Variants in BCL2L13 observed in about 807,000 individuals in gnomAD.
The protein encoded by BCL2L13 is BCL2 like 13.
BCL2L13 carries 13 observed loss-of-function variants against 25.8 expected under a neutral mutation model. The ratio of observed to expected loss-of-function variants is 0.50; its 90% CI spans 0.33 to 0.80. The LOEUF (loss-of-function observed/expected upper bound fraction) is 0.80. Ranked by LOEUF, BCL2L13 falls within the 30% of genes least tolerant of loss-of-function variation. The pLI is 0.02. For synonymous variants in BCL2L13, 244 were observed against 230.3 expected (o/e 1.06, Z -0.54); for missense variants, 504 against 574.9 (o/e 0.88, Z 1.26).
At position 17,726,792 on chromosome 22, in the gene BCL2L13, A is replaced by G; in HGVS notation, c.716A>G (p.Glu239Gly). ...SDNSGQVSPP[E>G]SPTVTTSWQS... ...AACTCTGGACAAGTCAGTCCCCCAG[A>G]GTCTCCAACTGTGACCACTTCCTGG... Residue 239 changes from glutamate (E) to glycine (G), a missense_variant, in exon 7 of 7, where the codon GAG becomes GGG. By Grantham distance (98) the Glu-to-Gly change is moderately conservative (BLOSUM62 -2). Transcript: ENST00000317582. The G allele has an allele frequency of 1.9e-6, 3 of 1,614,182 alleles. No individual in the cohort carries two copies. The South Asian group carries it at 3.3e-5, about 18-fold the overall frequency.
intron 1 of BCL2L13, among the ~76,000 whole-genome samples, chr22:17,629,216 AG>A (rs1401348704): frequency 2.6e-5 from 4 of 151,940 alleles, no homozygotes; most frequent in Admixed American, 6.6e-5. Flanking sequence ...GAAAAAAAAA[AG>A]GGGGATACAT....
At chr22:17,689,963 C>T (rs1181403009) in intron 4 of BCL2L13, among the ~76,000 whole-genome samples, 4 of 152,126 alleles carry the variant, frequency 2.6e-5, no homozygotes, top group African/African-American at 9.7e-5. Context: ...AACTTCTCTC[C>T]TAGCTATGGT....
At position 17,727,076 on chromosome 22, in the gene BCL2L13, C is replaced by A; in HGVS notation, c.1000C>A (p.Leu334Met). The change falls in exon 7 of 7, where the codon CTG (leucine) becomes ATG (methionine). Residue 334 changes from leucine to methionine, a missense_variant. Coordinates refer to ENST00000317582, the MANE Select transcript of BCL2L13 (RefSeq NM_015367.4). Reference sequence around the variant, plus strand: ...TTCTGTGGTCTTGCCAGCGCGGGAGCTGCAAGAGGCACTTCCTGAAGCCCC... The same window carrying A: ...TTCTGTGGTCTTGCCAGCGCGGGAGATGCAAGAGGCACTTCCTGAAGCCCC... ...VASVVLPARE[L>M]QEALPEAPAP... 1 of 1,614,226 alleles carries A rather than the reference C, an allele frequency of 6.2e-7. No individual in the cohort carries two copies. The highest frequency in any genetic ancestry group is 2.2e-5 in the East Asian group (1 of 44,888).
intron 1 of BCL2L13, 145 bp from the exon 2 acceptor site, chr22:17,655,517 T>G (rs2058826978): frequency 4.8e-5 from 20 of 415,992 alleles, no homozygotes; most frequent in Non-Finnish European, 5.5e-5. Context: ...TGTGGTGAGC[T>G]GAGATTGCGC....
At chr22:17,641,893 G>A (rs12167958) in intron 1 of BCL2L13, among the ~76,000 whole-genome samples, 2,860 of 149,108 alleles carry the variant, frequency 0.019, 84 homozygotes, top group African/African-American at 0.067. Flanking sequence ...TCCGCCTCCC[G>A]GGTTGACGCC....
chr22:17,698,507 G>A (rs184835125), intron 5 of BCL2L13, among the ~76,000 whole-genome samples: 213 of 132,044 alleles, frequency 1.6e-3, no homozygotes, highest in African/African-American at 5.5e-3. Context: ...GATCACTTAC[G>A]CCCAGGAGTT....
In BCL2L13 at chr22:17,722,419, GTA is replaced by G. The variant is rs1353072672; in HGVS notation, c.601-4256_601-4255del. Among the ~76,000 whole-genome samples the G allele has an allele frequency of 1.5e-3, 217 of 144,726 alleles. 1 individual carries two copies. Among genetic ancestry groups the G allele is most frequent in the Middle Eastern group, 3.5e-3 (1 of 284 alleles). 94.9% of individuals were successfully genotyped at this position (144,726 alleles called of 152,430 possible). ...TGTGTGTGTGTGTGTGTGTGTGTGT[GTA>G]TGTAGAGATGATGTCTTACTATGTT... On this transcript the variant is annotated intron_variant, in intron 6 of 6. Coordinates refer to ENST00000317582, the MANE Select transcript of BCL2L13 (RefSeq NM_015367.4).
intron 1 of BCL2L13, among the ~76,000 whole-genome samples, chr22:17,648,089 C>T (rs1230002037): frequency 6.6e-6 from 1 of 150,942 alleles, no homozygotes; most frequent in Admixed American, 6.6e-5. Flanking sequence ...GAGGTCATGC[C>T]ACTGCACTCC....
Position 17,646,367 on chromosome 22 carries a change from C to T in BCL2L13, c.-51+7481C>T, listed in dbSNP as rs77631039. Among the ~76,000 whole-genome samples, 884 of 151,484 alleles carry T rather than the reference C, an allele frequency of 5.8e-3. 5 individuals are homozygous for T. The highest frequency in any genetic ancestry group is 8.5e-3 in the Non-Finnish European group (581 of 68,008). ...GTTCAGGCGATTCACCTGTCTCAGC[C>T]TCCTGAGTAGCTGGGATTACAGGTG... On this transcript the variant is annotated intron_variant, in intron 1 of 6. Coordinates refer to ENST00000317582, the MANE Select transcript of BCL2L13 (RefSeq NM_015367.4).
At chr22:17,630,533 C>T (rs1275114790) in intron 1 of BCL2L13, among the ~76,000 whole-genome samples, 1 of 151,514 alleles carries the variant, frequency 6.6e-6, no homozygotes, top group Non-Finnish European at 1.5e-5. Context: ...CTGCCTCGGC[C>T]TCCGAGAGTG....
chr22:17,634,738 T>C, upstream of BCL2L13, among the ~76,000 whole-genome samples: 1 of 151,278 alleles, frequency 6.6e-6, no homozygotes, highest in Non-Finnish European at 1.5e-5. Context: ...AGCCCAGGAG[T>C]TTGAGACCAG....
intron 1 of BCL2L13, among the ~76,000 whole-genome samples, chr22:17,651,387 T>TG (rs2058680453): frequency 1.3e-5 from 2 of 151,504 alleles, no homozygotes; most frequent in Non-Finnish European, 2.9e-5. Context: ...ATTTATTTAT[T>TG]TATTTATTTA....
chr22:17,711,074 C>T (rs1189372653), intron 6 of BCL2L13, among the ~76,000 whole-genome samples: 1 of 150,952 alleles, frequency 6.6e-6, no homozygotes, highest in East Asian at 2.0e-4. Flanking sequence ...AAAAGCCAGG[C>T]GTGGTGGTGC....
intron 1 of BCL2L13, among the ~76,000 whole-genome samples, chr22:17,641,258 G>A (rs2058273214): frequency 6.6e-6 from 1 of 152,162 alleles, no homozygotes; most frequent in Admixed American, 6.6e-5. Flanking sequence ...CATTCACTTA[G>A]TTCCAGTCTG....
intron 2 of BCL2L13, among the ~76,000 whole-genome samples, chr22:17,662,608 G>T (rs1473680903): frequency 2.6e-5 from 4 of 152,058 alleles, no homozygotes; most frequent in Non-Finnish European, 5.9e-5. Context: ...AATCACTTGA[G>T]CCCAGGAATT....
At chr22:17,651,280 G>C (rs2058675913) in intron 1 of BCL2L13, among the ~76,000 whole-genome samples, 1 of 151,980 alleles carries the variant, frequency 6.6e-6, no homozygotes, top group Admixed American at 6.6e-5. Flanking sequence ...TTATAGGCGT[G>C]AGCCATGGCG....
At chr22:17,671,945 C>A (rs1323382903) in intron 2 of BCL2L13, among the ~76,000 whole-genome samples, 1 of 152,246 alleles carries the variant, frequency 6.6e-6, no homozygotes, top group East Asian at 1.9e-4. Flanking sequence ...AACTCCTGAC[C>A]TCAGGTGATC....
At chr22:17,658,878 GA>G (rs2058973709) in intron 2 of BCL2L13, among the ~76,000 whole-genome samples, 1 of 150,102 alleles carries the variant, frequency 6.7e-6, no homozygotes, top group Non-Finnish European at 1.5e-5. Flanking sequence ...CCAAGATGGT[GA>G]AACCCCATCT....
At chr22:17,640,197 A>AT (rs1447304052) in intron 1 of BCL2L13, among the ~76,000 whole-genome samples, 2 of 151,748 alleles carry the variant, frequency 1.3e-5, no homozygotes, top group African/African-American at 4.8e-5. Flanking sequence ...ATGAAGTATT[A>AT]TTTTCATTTT....
Sources: gnomAD v4.1 joint callset for allele counts (sites outside exome capture counted in the v4.1 genomes callset) on GRCh38, gnomAD v4.1.1 for gene constraint, MANE v1.5 for transcripts, NCBI Gene and HGNC (gene_info 2026-07-23, HGNC 2026-07-21) for gene names.